The following HUNK variants were observed in gnomAD, a reference collection of about 807,000 sequenced individuals.
HUNK encodes hormonally up-regulated Neu-associated kinase.
HUNK carries 21 observed loss-of-function variants against 61.0 expected under a neutral mutation model. That is an observed-to-expected ratio of 0.34 (90% CI 0.24 to 0.50). The LOEUF (loss-of-function observed/expected upper bound fraction) is 0.50. Among genes scored for constraint, HUNK ranks in the 20% least tolerant of loss-of-function variants. HUNK has a pLI of 0.98. For synonymous variants in HUNK, 371 were observed against 386.1 expected (o/e 0.96, Z 0.46); for missense variants, 772 against 945.7 (o/e 0.82, Z 2.41).
chr21:31,946,118 A>C lies in HUNK; in HGVS notation c.693A>C (p.Ala231=), dbSNP rs371506151. 1 of 1,613,362 alleles carries C rather than the reference A, an allele frequency of 6.2e-7. No homozygotes were observed. The highest frequency in any genetic ancestry group is 8.5e-7 in the Non-Finnish European group (1 of 1,179,362). Residue 231 remains alanine (A), a synonymous_variant, in exon 4 of 11, where the codon GCA becomes GCC. Transcript: ENST00000270112. ...AGTGTGGCAGCCCTGCCTACGCTGC[A>C]CCTGAACTGCTCGCCAGGAAGAAAT... is the stretch of plus-strand genomic sequence containing the variant. ...STQCGSPAYA[A]PELLARKKYG...
intron 4 of HUNK, among the ~76,000 whole-genome samples, chr21:31,951,922 G>A (rs1020570140): frequency 6.6e-6 from 1 of 152,204 alleles, no homozygotes; most frequent in African/African-American, 2.4e-5. Flanking sequence ...AGGAGGCAGT[G>A]GGAAGAGTAA....
At chr21:31,933,429 C>T (rs1338209067) in intron 2 of HUNK, among the ~76,000 whole-genome samples, 1 of 152,050 alleles carries the variant, frequency 6.6e-6, no homozygotes, top group Non-Finnish European at 1.5e-5. Flanking sequence ...GTGGGAGGAT[C>T]ACCTGAGGTC....
At chr21:31,934,334 T>C (rs2052718236) in intron 2 of HUNK, among the ~76,000 whole-genome samples, 1 of 150,106 alleles carries the variant, frequency 6.7e-6, no homozygotes, top group Admixed American at 6.7e-5. Context: ...TCCCAGCTAC[T>C]CAGGAGGCTG....
intron 1 of HUNK, among the ~76,000 whole-genome samples, chr21:31,915,004 A>C (rs1420182525): frequency 1.3e-5 from 2 of 151,990 alleles, no homozygotes; most frequent in East Asian, 3.9e-4. Context: ...TTTATAGTAC[A>C]GGTTAATTAT....
intron 5 of HUNK, among the ~76,000 whole-genome samples, chr21:31,960,564 G>A (rs953966707): frequency 2.6e-5 from 4 of 152,214 alleles, no homozygotes; most frequent in Admixed American, 2.0e-4. Context: ...AAAGGAAAGA[G>A]GTTTAATAGA....
chr21:31,916,293 GC>G (rs1299623161), intron 1 of HUNK, among the ~76,000 whole-genome samples: 1 of 151,726 alleles, frequency 6.6e-6, no homozygotes, highest in Non-Finnish European at 1.5e-5. Context: ...CTCGTTATCC[GC>G]CCGCCTCGGC....
At chr21:31,880,194 G>C (rs1197110958) in intron 1 of HUNK, among the ~76,000 whole-genome samples, 1 of 152,180 alleles carries the variant, frequency 6.6e-6, no homozygotes, top group African/African-American at 2.4e-5. Context: ...GATGCCTGCA[G>C]CAGCCCTGGT....
intron 1 of HUNK, among the ~76,000 whole-genome samples, chr21:31,893,684 A>T (rs937920613): frequency 2.0e-5 from 3 of 152,184 alleles, no homozygotes; most frequent in Non-Finnish European, 4.4e-5. Context: ...TGGAATAAAG[A>T]ATGCTATTTA....
intron 1 of HUNK, among the ~76,000 whole-genome samples, chr21:31,899,116 C>T (rs994484678): frequency 2.8e-5 from 4 of 144,750 alleles, no homozygotes; most frequent in East Asian, 2.1e-4. Flanking sequence ...TTTAACAAGT[C>T]GAGGCTGGCA....
At chr21:31,998,478 G>T (rs762612550) in intron 10 of HUNK, 48 bp from the exon 11 acceptor site, 16 of 1,493,814 alleles carry the variant, frequency 1.1e-5, no homozygotes, top group Non-Finnish European at 1.3e-5. Flanking sequence ...AGGGCCGTGA[G>T]CACTGTCCGG....
At chr21:31,923,599 GA>G (rs571886838) in intron 1 of HUNK, among the ~76,000 whole-genome samples, 1 of 126,338 alleles carries the variant, frequency 7.9e-6, no homozygotes, top group African/African-American at 2.8e-5. Context: ...GGGAGGGAGG[GA>G]AGGGAAGGAA....
chr21:31,942,096 G>C (rs1246056709), intron 3 of HUNK, among the ~76,000 whole-genome samples: 1 of 152,216 alleles, frequency 6.6e-6, no homozygotes, highest in Admixed American at 6.5e-5. Context: ...TATAATCCCA[G>C]CTACTCAGGA....
Position 32,000,944 on chromosome 21 carries a change from G to C in HUNK, c.*1760G>C. 1 of 390,702 alleles carries C rather than the reference G, an allele frequency of 2.6e-6. No homozygotes were observed. Among genetic ancestry groups the C allele is most frequent in the East Asian group, 3.6e-5 (1 of 27,654 alleles). 24.2% of individuals were successfully genotyped at this position (390,702 alleles called of 1,614,324 possible). ...GGCCATTGGTGTTATTTTTTGTATA[G>C]CTTCAGACTGGGTTCCAGAACTTAC... On this transcript the variant is annotated 3_prime_UTR_variant, in exon 11 of 11. Transcript: ENST00000270112.
Position 31,956,082 on chromosome 21 carries a change from G to A in HUNK, c.747-2761G>A, listed in dbSNP as rs1307215967. Among the ~76,000 whole-genome samples the A allele has an allele frequency of 4.6e-5, 7 of 152,340 alleles. No homozygotes were observed. In the East Asian group the frequency reaches 1.4e-3, roughly 29 times the overall value. On this transcript the variant is annotated intron_variant, in intron 4 of 10. Coordinates refer to ENST00000270112, the MANE Select transcript of HUNK (RefSeq NM_014586.2). ...GGTTGTTGAGGAGACTCTCAATCAT[G>A]TCAAATAAAGCACAGGCAAAAGACC...
intron 1 of HUNK, among the ~76,000 whole-genome samples, chr21:31,919,785 T>C (rs891429255): frequency 6.6e-6 from 1 of 152,154 alleles, no homozygotes; most frequent in Non-Finnish European, 1.5e-5. Flanking sequence ...CTCCTGAGAC[T>C]ACGCTGAAGG....
At position 31,914,278 on chromosome 21, in the gene HUNK, A is replaced by G. The variant is rs1035134256; in HGVS notation, c.262-10190A>G. ...CAAAATTAGCCGGGCATGGTGGCTC[A>G]TTCCTGTAATCTCAGCTACTCGGGA... On this transcript the variant is annotated intron_variant, in intron 1 of 10. Coordinates refer to ENST00000270112, the MANE Select transcript of HUNK (RefSeq NM_014586.2). 5.3e-5 allele frequency among the ~76,000 whole-genome samples: 8 copies of G among 152,036 alleles called. No homozygotes were observed. In the East Asian group the frequency reaches 1.5e-3, roughly 29 times the overall value.
intron 4 of HUNK, among the ~76,000 whole-genome samples, chr21:31,958,449 C>T (rs1275696634): frequency 1.3e-5 from 2 of 152,124 alleles, no homozygotes; most frequent in Non-Finnish European, 2.9e-5. Flanking sequence ...CAGGCGCCCG[C>T]CACCACGCCT....
chr21:31,976,536 G>A (rs1172508504), intron 7 of HUNK, among the ~76,000 whole-genome samples: 1 of 134,220 alleles, frequency 7.5e-6, no homozygotes, highest in Non-Finnish European at 1.5e-5. Context: ...GGACGATCTC[G>A]GCTCACTGCA....
chr21:31,914,402 CTGTCTCA>C (rs1163755209), intron 1 of HUNK, among the ~76,000 whole-genome samples: 1 of 86,992 alleles, frequency 1.1e-5, no homozygotes, highest in Non-Finnish European at 2.0e-5. Context: ...GAGTGAAACT[CTGTCTCA>C]AAAAAAAAAA....
Sources: gnomAD v4.1 joint callset for allele counts (sites outside exome capture counted in the v4.1 genomes callset) on GRCh38, gnomAD v4.1.1 for gene constraint, MANE v1.5 for transcripts, NCBI Gene and HGNC (gene_info 2026-07-23, HGNC 2026-07-21) for gene names.